Variants in PPP3R1 observed in about 807,000 individuals in gnomAD.
PPP3R1 encodes protein phosphatase 3 regulatory subunit B, alpha, also known as calcineurin subunit B type 1.
PPP3R1 carries 5 observed loss-of-function variants against 22.6 expected under a neutral mutation model. The observed-to-expected ratio is 0.22, with a 90% CI of 0.12 to 0.46. The LOEUF (loss-of-function observed/expected upper bound fraction) is 0.46. Among genes scored for constraint, PPP3R1 ranks in the 20% least tolerant of loss-of-function variants. The pLI, the probability that PPP3R1 is intolerant of heterozygous loss-of-function variation, is 0.99. For synonymous variants in PPP3R1, 56 were observed against 65.2 expected (o/e 0.86, Z 0.68); for missense variants, 61 against 203.2 (o/e 0.30, Z 4.25).
intron 1 of PPP3R1, 103 bp from the exon 2 acceptor site, chr2:68,217,234 T>C: frequency 1.4e-6 from 1 of 718,754 alleles, no homozygotes; most frequent in Non-Finnish European, 2.3e-6. Flanking sequence ...AAATAAGCCA[T>C]AAACTAATAA....
intron 1 of PPP3R1, among the ~76,000 whole-genome samples, chr2:68,239,907 A>T (rs2103806477): frequency 6.6e-6 from 1 of 152,286 alleles, no homozygotes; most frequent in Non-Finnish European, 1.5e-5. Flanking sequence ...TTGATTTTCA[A>T]CTTTATGATG....
chr2:68,212,754 G>C (rs1174147842), intron 2 of PPP3R1, among the ~76,000 whole-genome samples: 6 of 152,226 alleles, frequency 3.9e-5, no homozygotes, highest in Non-Finnish European at 7.3e-5. Flanking sequence ...AGGAAATTTA[G>C]CATAATTCTT....
At chr2:68,186,751 A>T (rs1466497721) in intron 4 of PPP3R1, 99 bp from the exon 5 acceptor site, 1 of 1,111,088 alleles carries the variant, frequency 9.0e-7, no homozygotes, top group African/African-American at 1.6e-5. Flanking sequence ...CATCAAAATT[A>T]TGACTATGAG....
chr2:68,199,447 T>G (rs1316076737), intron 2 of PPP3R1, among the ~76,000 whole-genome samples: 1 of 152,196 alleles, frequency 6.6e-6, no homozygotes, highest in African/African-American at 2.4e-5. Flanking sequence ...TCTCAAGTCT[T>G]TTTCTTTTTC....
At chr2:68,225,045 CAA>C in intron 1 of PPP3R1, among the ~76,000 whole-genome samples, 1 of 152,322 alleles carries the variant, frequency 6.6e-6, no homozygotes, top group Admixed American at 6.5e-5. Context: ...AATGGACACA[CAA>C]AGTGTAACTG....
intron 1 of PPP3R1, among the ~76,000 whole-genome samples, chr2:68,238,623 AG>A (rs1323228962): frequency 1.3e-5 from 2 of 152,314 alleles, no homozygotes; most frequent in South Asian, 4.1e-4. Flanking sequence ...CCTCATCCAA[AG>A]AAAAACTCTC....
chr2:68,210,464 C>G (rs564492017), intron 2 of PPP3R1, among the ~76,000 whole-genome samples: 1 of 152,118 alleles, frequency 6.6e-6, no homozygotes, highest in Non-Finnish European at 1.5e-5. Flanking sequence ...CTTTATTTTA[C>G]GCAACCATAA....
chr2:68,237,487 A>G (rs1670040201), intron 1 of PPP3R1, among the ~76,000 whole-genome samples: 1 of 152,178 alleles, frequency 6.6e-6, no homozygotes, highest in Admixed American at 6.5e-5. Flanking sequence ...ACTGATAAGC[A>G]ATGTAATCAA....
At chr2:68,215,577 A>C (rs1669563970) in intron 2 of PPP3R1, among the ~76,000 whole-genome samples, 2 of 152,216 alleles carry the variant, frequency 1.3e-5, no homozygotes, top group Admixed American at 1.3e-4. Context: ...TGGCAGAAAT[A>C]AAGTAACATT....
intron 2 of PPP3R1, among the ~76,000 whole-genome samples, chr2:68,189,605 C>A (rs747272333): frequency 6.6e-6 from 1 of 152,136 alleles, no homozygotes. Context: ...CAATGGCTCA[C>A]GCTTGTAATC....
Position 68,187,214 on chromosome 2 carries a change from G to A in PPP3R1, c.280+41C>T, listed in dbSNP as rs779556050. 8.4e-6 allele frequency: 12 copies of A among 1,432,748 alleles called. No individual in the cohort carries two copies. The South Asian group carries it at 1.4e-4, about 17-fold the overall frequency. 88.8% of individuals were successfully genotyped at this position (1,432,748 alleles called of 1,614,324 possible). A position where few individuals can be genotyped will look rare whatever the true frequency, so the allele number is the denominator to read the frequency against. On this transcript the variant is annotated intron_variant, in intron 4 of 5. Coordinates refer to ENST00000234310, the MANE Select transcript of PPP3R1 (RefSeq NM_000945.4). ...ATTCTATAATACAGTATGAAATGATGGTAGTATAAGAGAATGAAGTCAGTG... is the reference window on the plus strand; with the variant it reads ...ATTCTATAATACAGTATGAAATGATAGTAGTATAAGAGAATGAAGTCAGTG...
intron 1 of PPP3R1, among the ~76,000 whole-genome samples, chr2:68,238,498 CATAAGGATGGCTAGAA>C (rs1447897572): frequency 1.3e-5 from 2 of 152,094 alleles, no homozygotes; most frequent in Non-Finnish European, 2.9e-5. Context: ...CCAGTTACAG[CATAAGGATGGCTAGAA>C]ATAAGGGTCA....
At chr2:68,241,886 T>C (rs1004558643) in intron 1 of PPP3R1, among the ~76,000 whole-genome samples, 1 of 151,602 alleles carries the variant, frequency 6.6e-6, no homozygotes, top group Admixed American at 6.6e-5. Flanking sequence ...GTAAGTTTCA[T>C]TGACATGCAG....
In PPP3R1 at chr2:68,252,287, G is replaced by A; in HGVS notation, c.-160C>T. 9.7e-7 allele frequency: 1 copy of A among 1,032,660 alleles called. No individual in the cohort carries two copies. The allele number at this position is 1,032,660 out of a possible 1,614,324, so 64.0% of individuals were successfully genotyped here. ...GAGGGGAGGCGGCGCCGCGGGGCCC[G>A]CGCCGGCCGGGCGATTGGGCACGCG... is the stretch of plus-strand genomic sequence containing the variant. On this transcript the variant is annotated 5_prime_UTR_variant, in exon 1 of 6. Transcript: ENST00000234310.
intron 1 of PPP3R1, among the ~76,000 whole-genome samples, chr2:68,236,995 T>A (rs1486427736): frequency 6.6e-6 from 1 of 152,146 alleles, no homozygotes; most frequent in Non-Finnish European, 1.5e-5. Flanking sequence ...AGTAAGCAAG[T>A]CTTATGTTCT....
intron 2 of PPP3R1, among the ~76,000 whole-genome samples, chr2:68,196,057 C>G (rs1000826623): frequency 1.3e-5 from 2 of 152,094 alleles, no homozygotes; most frequent in African/African-American, 2.4e-5. Context: ...TACTCCAATA[C>G]AGGATCCCGG....
intron 1 of PPP3R1, among the ~76,000 whole-genome samples, chr2:68,246,321 C>T (rs1162420413): frequency 1.3e-5 from 2 of 151,974 alleles, no homozygotes; most frequent in Non-Finnish European, 2.9e-5. Context: ...GATCCGCCCG[C>T]CTCAGCCTCC....
chr2:68,206,799 G>C lies in PPP3R1; in HGVS notation c.43+10293C>G, dbSNP rs149861651. 1.8e-3 allele frequency among the ~76,000 whole-genome samples: 280 copies of C among 152,248 alleles called. 2 individuals carry two copies. Among genetic ancestry groups the C allele is most frequent in the African/African-American group, 6.5e-3 (271 of 41,526 alleles). ...GTGCTTACTTATCTGTGTGGCACAGGAAAGAATACAGTATGTTACAGCATA... is the reference window on the plus strand; with the variant it reads ...GTGCTTACTTATCTGTGTGGCACAGCAAAGAATACAGTATGTTACAGCATA... On this transcript the variant is annotated intron_variant, in intron 2 of 5. Coordinates refer to ENST00000234310, the MANE Select transcript of PPP3R1 (RefSeq NM_000945.4).
chr2:68,216,422 GA>G (rs1669579886), intron 2 of PPP3R1, among the ~76,000 whole-genome samples: 1 of 148,936 alleles, frequency 6.7e-6, no homozygotes, highest in Non-Finnish European at 1.5e-5. Flanking sequence ...CCTAAAATGT[GA>G]AAAACAAAAA....
Sources: allele counts gnomAD v4.1 joint callset (sites outside exome capture counted in the v4.1 genomes callset), GRCh38; gene constraint gnomAD v4.1.1; transcripts MANE v1.5; gene names NCBI Gene and HGNC (gene_info 2026-07-23, HGNC 2026-07-21).